The following MACROD2 variants were observed in gnomAD, a reference collection of about 807,000 sequenced individuals.
The protein encoded by MACROD2 is ADP-ribose glycohydrolase MACROD2.
In MACROD2, 36 loss-of-function variants were observed where a neutral mutation model predicts 70.4. The observed-to-expected ratio is 0.51, with a 90% CI of 0.39 to 0.68. The LOEUF (loss-of-function observed/expected upper bound fraction) is 0.68, where lower values mean the gene tolerates loss of function less well. Ranked by LOEUF, MACROD2 falls within the 30% of genes least tolerant of loss-of-function variation. MACROD2 has a pLI of 0.00. For synonymous variants in MACROD2, 172 were observed against 178.8 expected, an observed-to-expected ratio of 0.96 and a Z score of 0.30; for missense variants, 496 against 538.4, an observed-to-expected ratio of 0.92 and a Z score of 0.78.
At chr20:15,946,982 A>T (rs1013986179) in intron 12 of MACROD2, among the ~76,000 whole-genome samples, 2 of 152,290 alleles carry the variant, frequency 1.3e-5, no homozygotes, top group Non-Finnish European at 1.5e-5. Flanking sequence ...CTATGCCTGG[A>T]TGTGCACATA....
intron 3 of MACROD2, among the ~76,000 whole-genome samples, chr20:14,187,379 A>G (rs1211497151): frequency 6.6e-6 from 1 of 152,210 alleles, no homozygotes; most frequent in Non-Finnish European, 1.5e-5. Flanking sequence ...GGGTAATAAT[A>G]TAATGATGCT....
chr20:15,183,277 A>G (rs373701187), intron 5 of MACROD2, among the ~76,000 whole-genome samples: 2 of 152,098 alleles, frequency 1.3e-5, no homozygotes, highest in Admixed American at 6.6e-5. Flanking sequence ...GCTCACTCCT[A>G]TAATCCTAGA....
chr20:15,246,271 GTGTA>G (rs1601294418), intron 6 of MACROD2, among the ~76,000 whole-genome samples: 1 of 152,152 alleles, frequency 6.6e-6, no homozygotes, highest in Non-Finnish European at 1.5e-5. Context: ...GTGAGTGTAT[GTGTA>G]TGTGTGTGTG....
At chr20:15,199,950 G>T (rs2076641182) in intron 5 of MACROD2, among the ~76,000 whole-genome samples, 1 of 152,144 alleles carries the variant, frequency 6.6e-6, no homozygotes, top group African/African-American at 2.4e-5. Context: ...AAGTTGAAAA[G>T]TTCAGTTCTG....
intron 6 of MACROD2, among the ~76,000 whole-genome samples, chr20:15,356,199 C>T (rs1476396644): frequency 6.6e-6 from 1 of 152,108 alleles, no homozygotes; most frequent in Admixed American, 6.6e-5. Context: ...GAGCCAGTTA[C>T]TTAACCTCTT....
chr20:15,934,780 C>T (rs2065632936), intron 11 of MACROD2, among the ~76,000 whole-genome samples: 1 of 152,120 alleles, frequency 6.6e-6, no homozygotes, highest in Non-Finnish European at 1.5e-5. Context: ...TCACTGCAAC[C>T]TCTGCCTCCT....
intron 4 of MACROD2, among the ~76,000 whole-genome samples, chr20:14,548,870 G>A (rs1193119370): frequency 2.6e-5 from 4 of 152,068 alleles, no homozygotes; most frequent in African/African-American, 9.7e-5. Flanking sequence ...AAAAAAGGGT[G>A]ACAAGCAAAT....
intron 4 of MACROD2, among the ~76,000 whole-genome samples, chr20:14,557,892 A>T (rs1434571550): frequency 3.3e-5 from 5 of 151,840 alleles, no homozygotes; most frequent in African/African-American, 1.2e-4. Context: ...CCAAGAGATT[A>T]AAAAAATTTA....
chr20:15,962,535 T>C (rs2066077388), intron 12 of MACROD2, among the ~76,000 whole-genome samples: 1 of 152,232 alleles, frequency 6.6e-6, no homozygotes, highest in Admixed American at 6.5e-5. Context: ...AGTTTATTGT[T>C]TGAAATTTGT....
At chr20:14,757,816 C>T (rs192074095) in intron 5 of MACROD2, 7 of 1,530,494 alleles carry the variant, frequency 4.6e-6, no homozygotes, top group Non-Finnish European at 4.5e-6. Context: ...TTCATCTGCC[C>T]CCGGAGATTG....
At chr20:14,717,323 C>T (rs1376104352) in intron 5 of MACROD2, among the ~76,000 whole-genome samples, 1 of 152,160 alleles carries the variant, frequency 6.6e-6, no homozygotes, top group Non-Finnish European at 1.5e-5. Flanking sequence ...CTGTCTCTTT[C>T]TTCAGAGGAC....
chr20:15,567,753 G>A (rs115789744), intron 8 of MACROD2, among the ~76,000 whole-genome samples: 190 of 152,284 alleles, frequency 1.2e-3, no homozygotes, highest in African/African-American at 4.1e-3. Flanking sequence ...AGTGAAACTC[G>A]CACTGGGTAC....
chr20:15,972,676 G>C (rs554608070), intron 13 of MACROD2, among the ~76,000 whole-genome samples: 3 of 152,070 alleles, frequency 2.0e-5, no homozygotes, highest in African/African-American at 2.4e-5. Context: ...AAGGCACGGT[G>C]GTGGGCACCT....
At chr20:14,726,854 A>G (rs907408197) in intron 5 of MACROD2, among the ~76,000 whole-genome samples, 1 of 152,130 alleles carries the variant, frequency 6.6e-6, no homozygotes, top group African/African-American at 2.4e-5. Flanking sequence ...TGACTATATG[A>G]ATTACTTGGA....
At chr20:14,939,096 T>C (rs904113891) in intron 5 of MACROD2, among the ~76,000 whole-genome samples, 1 of 151,980 alleles carries the variant, frequency 6.6e-6, no homozygotes, top group Non-Finnish European at 1.5e-5. Flanking sequence ...TGCAGAATCT[T>C]TAGCTTGACG....
At chr20:15,602,631 A>G (rs1212461213) in intron 8 of MACROD2, among the ~76,000 whole-genome samples, 3 of 152,176 alleles carry the variant, frequency 2.0e-5, no homozygotes, top group Non-Finnish European at 4.4e-5. Context: ...CCCTCCAAAA[A>G]CATCATACAA....
intron 4 of MACROD2, among the ~76,000 whole-genome samples, chr20:14,624,015 C>T (rs889290021): frequency 4.6e-5 from 7 of 152,194 alleles, no homozygotes; most frequent in Non-Finnish European, 8.8e-5. Context: ...CTGTCTTGGA[C>T]TCTTAAGGAA....
intron 6 of MACROD2, among the ~76,000 whole-genome samples, chr20:15,380,038 G>A (rs990781608): frequency 1.3e-5 from 2 of 152,044 alleles, no homozygotes; most frequent in Non-Finnish European, 2.9e-5. Context: ...CCCTTTTCCT[G>A]AAAGCTCCTC....
chr20:14,135,322 T>C (rs1307492718), intron 3 of MACROD2, among the ~76,000 whole-genome samples: 1 of 152,154 alleles, frequency 6.6e-6, no homozygotes, highest in African/African-American at 2.4e-5. Flanking sequence ...TAGTAGAGAA[T>C]ATCCCAAGAA....
Sources: allele counts gnomAD v4.1 joint callset (sites outside exome capture counted in the v4.1 genomes callset), GRCh38; gene constraint gnomAD v4.1.1; transcripts MANE v1.5; gene names NCBI Gene and HGNC (gene_info 2026-07-23, HGNC 2026-07-21).